Variants in TLL1 observed in about 807,000 individuals in gnomAD.
TLL1 encodes the protein tolloid-like protein 1.
Under a neutral mutation model 128.2 loss-of-function variants are expected in TLL1, and 49 were observed. That is an observed-to-expected ratio of 0.38 (90% CI 0.30 to 0.48). The LOEUF (loss-of-function observed/expected upper bound fraction) is 0.48, where lower values mean the gene tolerates loss of function less well. Ranked by LOEUF, TLL1 falls within the 20% of genes least tolerant of loss-of-function variation. The pLI is 0.96. For synonymous variants in TLL1, 454 were observed against 418.8 expected, an observed-to-expected ratio of 1.08 and a Z score of -1.03; for missense variants, 1,123 against 1,242.0, an observed-to-expected ratio of 0.90 and a Z score of 1.44.
chr4:165,940,295 A>G (rs1267442516), intron 1 of TLL1, among the ~76,000 whole-genome samples: 2 of 152,032 alleles, frequency 1.3e-5, no homozygotes, highest in African/African-American at 2.4e-5. Flanking sequence ...TCAAAGTTGT[A>G]TGTGATTACA....
chr4:165,906,827 GT>G (rs372917139), intron 1 of TLL1, among the ~76,000 whole-genome samples: 2,017 of 114,208 alleles, frequency 0.018, 27 homozygotes, highest in African/African-American at 0.049. Flanking sequence ...TATTTCTCCA[GT>G]TTTTTTTTTT....
At chr4:165,919,778 G>T (rs1732963828) in intron 1 of TLL1, 1 of 455,862 alleles carries the variant, frequency 2.2e-6, no homozygotes, top group Non-Finnish European at 4.4e-6. Flanking sequence ...AGTGCCTCTT[G>T]CAGGCCTTGT....
At chr4:165,903,121 C>T (rs1732078135) in intron 1 of TLL1, among the ~76,000 whole-genome samples, 1 of 152,176 alleles carries the variant, frequency 6.6e-6, no homozygotes, top group South Asian at 2.1e-4. Context: ...CGCAGATCAC[C>T]TGAGGTCAGG....
At chr4:166,029,646 C>T (rs1400880765) in intron 9 of TLL1, among the ~76,000 whole-genome samples, 1 of 152,012 alleles carries the variant, frequency 6.6e-6, no homozygotes, top group East Asian at 1.9e-4. Flanking sequence ...ACCCTATACT[C>T]ATTAAACCCA....
chr4:166,010,120 A>G (rs1187727445), intron 7 of TLL1, among the ~76,000 whole-genome samples: 1 of 151,338 alleles, frequency 6.6e-6, no homozygotes, highest in East Asian at 1.9e-4. Flanking sequence ...TATTTCCTCA[A>G]GGTTGATCTA....
intron 1 of TLL1, among the ~76,000 whole-genome samples, chr4:165,942,234 T>C (rs1415600795): frequency 6.6e-6 from 1 of 152,016 alleles, no homozygotes; most frequent in Admixed American, 6.6e-5. Flanking sequence ...TCTGTATGGC[T>C]TTGTCATGCA....
chr4:166,039,206 TTATAG>T, intron 9 of TLL1, 128 bp from the exon 10 acceptor site: 1 of 675,756 alleles, frequency 1.5e-6, no homozygotes, highest in Non-Finnish European at 2.6e-6. Flanking sequence ...ATTAGGATAA[TTATAG>T]TATAGAAAAA....
chr4:165,931,476 T>C (rs1403425276), intron 1 of TLL1, among the ~76,000 whole-genome samples: 1 of 152,092 alleles, frequency 6.6e-6, no homozygotes, highest in East Asian at 1.9e-4. Flanking sequence ...CCCAGCACTT[T>C]GGGAGGCCAA....
chr4:166,039,258 G>T (rs1739135277), intron 9 of TLL1, 81 bp from the exon 10 acceptor site: 1 of 928,914 alleles, frequency 1.1e-6, no homozygotes, highest in Non-Finnish European at 1.7e-6. Flanking sequence ...GTAGACCAGG[G>T]TTCCTTACCT....
chr4:166,062,256 A>C (rs1740352106), intron 15 of TLL1, among the ~76,000 whole-genome samples: 1 of 152,180 alleles, frequency 6.6e-6, no homozygotes. Context: ...TCTGTGAAGA[A>C]AGTCATTGGT....
intron 1 of TLL1, among the ~76,000 whole-genome samples, chr4:165,900,320 T>G (rs974036566): frequency 1.3e-5 from 2 of 152,194 alleles, no homozygotes; most frequent in Non-Finnish European, 2.9e-5. Context: ...ATACAGTTTC[T>G]TCATAGCGTC....
Position 165,884,073 on chromosome 4 carries a change from C to A in TLL1, c.169+10000C>A, listed in dbSNP as rs565101375. Among the ~76,000 whole-genome samples, 200 of 152,266 alleles carry A rather than the reference C, an allele frequency of 1.3e-3. 2 individuals carry two copies. Among genetic ancestry groups the A allele is most frequent in the Admixed American group, 0.012 (186 of 15,300 alleles). On this transcript the variant is annotated intron_variant, in intron 1 of 20. Coordinates refer to ENST00000061240, the MANE Select transcript of TLL1 (RefSeq NM_012464.5). The stretch of plus-strand genomic sequence containing the variant: ...AGTTTGAGCACATGGCTCTAAACTA[C>A]AAATATTCATTAATTCATTAAACAA...
At chr4:165,927,104 G>C (rs945901031) in intron 1 of TLL1, among the ~76,000 whole-genome samples, 1 of 152,186 alleles carries the variant, frequency 6.6e-6, no homozygotes, top group Non-Finnish European at 1.5e-5. Context: ...GGGTTAAAGA[G>C]AGGAAATCCC....
At chr4:166,049,980 T>C (rs1242872042) in intron 12 of TLL1, among the ~76,000 whole-genome samples, 2 of 152,156 alleles carry the variant, frequency 1.3e-5, no homozygotes, top group African/African-American at 4.8e-5. Context: ...ATTGCATTAA[T>C]TATATCTGAT....
intron 16 of TLL1, among the ~76,000 whole-genome samples, chr4:166,069,408 A>G (rs1313661545): frequency 6.6e-6 from 1 of 151,762 alleles, no homozygotes; most frequent in Non-Finnish European, 1.5e-5. Flanking sequence ...AAGAATTTTC[A>G]AGGAACTCAA....
At chr4:165,960,669 C>A (rs530935638) in intron 1 of TLL1, among the ~76,000 whole-genome samples, 2 of 152,236 alleles carry the variant, frequency 1.3e-5, no homozygotes, top group Non-Finnish European at 2.9e-5. Flanking sequence ...ATTTTCAAAT[C>A]AATAAATGTA....
intron 1 of TLL1, among the ~76,000 whole-genome samples, chr4:165,918,678 C>T (rs972090846): frequency 6.6e-6 from 1 of 152,074 alleles, no homozygotes; most frequent in Non-Finnish European, 1.5e-5. Context: ...TCTCCTCTTA[C>T]ACGGTGGTTT....
At chr4:166,001,024 G>GA (rs1390715079) in intron 5 of TLL1, among the ~76,000 whole-genome samples, 5 of 151,296 alleles carry the variant, frequency 3.3e-5, no homozygotes, top group African/African-American at 7.3e-5. Context: ...ATTTGAAAAT[G>GA]AAAAAAAAGG....
At position 165,939,460 on chromosome 4, in the gene TLL1, A is replaced by G. The variant is rs973647510; in HGVS notation, c.170-49921A>G. On this transcript the variant is annotated intron_variant, in intron 1 of 20. Coordinates refer to ENST00000061240, the MANE Select transcript of TLL1 (RefSeq NM_012464.5). ...GATATCTGTAAAACTTCTTTATTCT[A>G]TGTAGCTTAATAGATCTGAATAGGG... Among the ~76,000 whole-genome samples, 7 of 152,010 alleles carry G rather than the reference A, an allele frequency of 4.6e-5. No homozygotes were observed. The South Asian group carries it at 1.2e-3, about 27-fold the overall frequency.
Sources: allele counts gnomAD v4.1 joint callset (sites outside exome capture counted in the v4.1 genomes callset), GRCh38; gene constraint gnomAD v4.1.1; transcripts MANE v1.5; gene names NCBI Gene and HGNC (gene_info 2026-07-23, HGNC 2026-07-21).